The following RORA variants were observed in gnomAD, a reference collection of about 807,000 sequenced individuals.
RORA encodes the protein RAR related orphan receptor A.
In RORA, 7 loss-of-function variants were observed where a neutral mutation model predicts 69.5. The observed-to-expected ratio is 0.10, with a 90% CI of 0.06 to 0.19. The LOEUF is 0.19. Ranked by LOEUF, RORA falls within the 10% of genes least tolerant of loss-of-function variation. RORA has a pLI of 1.00. For synonymous variants in RORA, 261 were observed against 240.8 expected, an observed-to-expected ratio of 1.08 and a Z score of -0.78; for missense variants, 457 against 663.0, an observed-to-expected ratio of 0.69 and a Z score of 3.41.
intron 1 of RORA, among the ~76,000 whole-genome samples, chr15:60,780,155 T>C (rs572452898): frequency 6.6e-6 from 1 of 152,306 alleles, no homozygotes; most frequent in East Asian, 1.9e-4. Flanking sequence ...ATTTTCTTTC[T>C]TTTTTGCCAC....
intron 1 of RORA, among the ~76,000 whole-genome samples, chr15:60,981,111 T>C (rs1595859639): frequency 6.6e-6 from 1 of 151,778 alleles, no homozygotes; most frequent in Admixed American, 6.6e-5. Context: ...TTTTTTTTTT[T>C]CAGCACTTTG....
At chr15:60,522,459 C>T (rs71395153) in intron 3 of RORA, among the ~76,000 whole-genome samples, 13,080 of 151,986 alleles carry the variant, frequency 0.086, 766 homozygotes, top group Middle Eastern at 0.18. Context: ...CCTGTAATCC[C>T]AATACTTTGA....
At chr15:61,046,683 A>G (rs1897044292) in intron 1 of RORA, among the ~76,000 whole-genome samples, 1 of 152,226 alleles carries the variant, frequency 6.6e-6, no homozygotes, top group Non-Finnish European at 1.5e-5. Context: ...ACTGGGTGGA[A>G]TATTACACAG....
chr15:61,168,341 G>T (rs1264862976), intron 1 of RORA, among the ~76,000 whole-genome samples: 1 of 151,878 alleles, frequency 6.6e-6, no homozygotes, highest in Non-Finnish European at 1.5e-5. Flanking sequence ...CGATTCTCTT[G>T]CCTCACCCTC....
intron 2 of RORA, among the ~76,000 whole-genome samples, chr15:60,657,825 C>T (rs2070244749): frequency 6.6e-6 from 1 of 152,218 alleles, no homozygotes; most frequent in Non-Finnish European, 1.5e-5. Flanking sequence ...CCTTTATCTC[C>T]TCCTGAGATG....
intron 1 of RORA, among the ~76,000 whole-genome samples, chr15:60,894,486 T>C (rs1322115689): frequency 6.6e-6 from 1 of 152,066 alleles, no homozygotes. Flanking sequence ...CAAAGCAAAA[T>C]TGGGCGTGGA....
intron 1 of RORA, chr15:60,681,642 G>A (rs2070643745): frequency 6.6e-6 from 1 of 152,216 alleles, no homozygotes. Flanking sequence ...GCAGGCATGT[G>A]TGCCTGGGTT....
intron 1 of RORA, among the ~76,000 whole-genome samples, chr15:60,981,155 T>G (rs555575754): frequency 1.0e-3 from 156 of 152,180 alleles, no homozygotes; most frequent in African/African-American, 3.6e-3. Context: ...CTCCATGGTT[T>G]GTGATGAGAA....
intron 1 of RORA, among the ~76,000 whole-genome samples, chr15:60,820,758 C>T (rs567993163): frequency 1.4e-4 from 22 of 152,158 alleles, no homozygotes; most frequent in Admixed American, 8.5e-4. Context: ...ATTTTCAATC[C>T]GTCGGCTTAG....
At chr15:60,818,067 A>G (rs2072841287) in intron 1 of RORA, among the ~76,000 whole-genome samples, 1 of 152,148 alleles carries the variant, frequency 6.6e-6, no homozygotes, top group Admixed American at 6.5e-5. Flanking sequence ...TTGAAAGGAG[A>G]GAGAGAAATA....
At chr15:60,502,540 G>C (rs1188976035) in intron 8 of RORA, among the ~76,000 whole-genome samples, 1 of 152,034 alleles carries the variant, frequency 6.6e-6, no homozygotes, top group Non-Finnish European at 1.5e-5. Context: ...TTACCAACTA[G>C]ATAAAATGAA....
intron 7 of RORA, among the ~76,000 whole-genome samples, chr15:60,503,189 A>G (rs959934429): frequency 6.6e-6 from 1 of 152,192 alleles, no homozygotes; most frequent in African/African-American, 2.4e-5. Context: ...TACTAAAACC[A>G]AGAATCAAAA....
Position 61,128,542 on chromosome 15 carries a change from G to C in RORA, c.166+100511C>G, listed in dbSNP as rs2079162541. Among the ~76,000 whole-genome samples, 1 of 152,172 alleles carries C rather than the reference G, an allele frequency of 6.6e-6. No homozygotes were observed. Among genetic ancestry groups the C allele is most frequent in the African/African-American group, 2.4e-5 (1 of 41,432 alleles). On this transcript the variant is annotated intron_variant, in intron 1 of 10. Coordinates refer to ENST00000335670, the MANE Select transcript of RORA (RefSeq NM_134261.3). This position sits in a 1 kb window ranked among gnomAD's most constrained non-coding sequence, Gnocchi z 4.5. ...ACCTATGACGCTGTTGATTACGTTA[G>C]ATAACTCAGGGATACGGGGAGAGAG...
chr15:61,030,617 G>A (rs181104837), intron 1 of RORA, among the ~76,000 whole-genome samples: 12 of 152,238 alleles, frequency 7.9e-5, no homozygotes, highest in Admixed American at 7.9e-4. Context: ...GTGAGAAAAT[G>A]AGTCAATCAG....
intron 1 of RORA, among the ~76,000 whole-genome samples, chr15:60,828,754 T>A (rs913113561): frequency 1.3e-5 from 2 of 152,168 alleles, no homozygotes; most frequent in Non-Finnish European, 2.9e-5. Context: ...ACATTTTCCT[T>A]CTCTCTCTTC....
intron 1 of RORA, among the ~76,000 whole-genome samples, chr15:61,056,551 T>C (rs1234701175): frequency 6.6e-6 from 1 of 152,226 alleles, no homozygotes; most frequent in Non-Finnish European, 1.5e-5. Flanking sequence ...TCAACCATGA[T>C]GTGATTCAAA....
chr15:60,925,552 G>C (rs1892189405), intron 1 of RORA, among the ~76,000 whole-genome samples: 1 of 152,216 alleles, frequency 6.6e-6, no homozygotes, highest in Admixed American at 6.5e-5. Context: ...TCCTCAGAGG[G>C]GAGTCAGGGA....
rs118065744 is a variant in RORA, at chr15:61,064,332, C to T, written c.166+164721G>A. On this transcript the variant is annotated intron_variant, in intron 1 of 10. Transcript: ENST00000335670. ...ATTTTAGTCTGTACCTTTGTAGTGC[C>T]AAATATTTAAATAGTTCCTTATTTT... Among the ~76,000 whole-genome samples, 89 of 152,298 alleles carry T rather than the reference C, an allele frequency of 5.8e-4. 1 individual carries two copies. The East Asian group carries it at 0.016, about 28-fold the overall frequency.
chr15:61,119,029 T>C (rs952113133), intron 1 of RORA, among the ~76,000 whole-genome samples: 2 of 141,902 alleles, frequency 1.4e-5, no homozygotes, highest in Admixed American at 1.5e-4. Context: ...AAGATGAACA[T>C]GAGATGACAG....
Sources: gnomAD v4.1 joint callset for allele counts (sites outside exome capture counted in the v4.1 genomes callset) on GRCh38, gnomAD v4.1.1 for gene constraint, Gnocchi (gnomAD v3.1) non-coding constraint, MANE v1.5 for transcripts, NCBI Gene and HGNC (gene_info 2026-07-23, HGNC 2026-07-21) for gene names.